The following EYS variants were observed in gnomAD, a reference collection of about 807,000 sequenced individuals.
The protein encoded by EYS is protein eyes shut homolog.
EYS carries 250 observed loss-of-function variants against 282.1 expected under a neutral mutation model. The observed-to-expected ratio is 0.89, with a 90% CI of 0.80 to 0.98. EYS has a LOEUF of 0.98. EYS is among the 50% of genes least tolerant of loss of function. The probability of loss-of-function intolerance (pLI) is 0.00; values close to 1 mark genes in which losing one functional copy is unlikely to be tolerated. For missense variants in EYS, 4,016 were observed against 3,709.0 expected, an observed-to-expected ratio of 1.08 and a Z score of -2.15; for synonymous variants, 1,355 against 1,282.9, an observed-to-expected ratio of 1.06 and a Z score of -1.20.
rs369121423 is a variant in EYS at position 63,726,571 on chromosome 6, G to A, written c.8181C>T (p.Leu2727=). ...CATAAAATAGGATACCATCTGCAGC[G>A]AGAGGCTGAAACTGCAATTGAATAT... ...KTHIQLQFQP[L]AADGILFYAA... Residue 2727 remains leucine, a synonymous_variant, in exon 42 of 43, where the codon CTC becomes CTT. Coordinates refer to ENST00000503581, the MANE Select transcript of EYS (RefSeq NM_001142800.2). 4.6e-5 allele frequency: 72 copies of A among 1,551,198 alleles called. 3 individuals are homozygous for A. Among genetic ancestry groups the A allele is most frequent in the East Asian group, 3.7e-4 (15 of 40,904 alleles).
At chr6:64,291,033 TAG>T (rs1444356189) in intron 30 of EYS, among the ~76,000 whole-genome samples, 1 of 19,340 alleles carries the variant, frequency 5.2e-5, no homozygotes, top group Non-Finnish European at 1.2e-4. Context: ...CTAGGGGAAG[TAG>T]TTTATATTAC....
chr6:64,652,639 A>G (rs897390997), intron 22 of EYS, among the ~76,000 whole-genome samples: 2 of 152,210 alleles, frequency 1.3e-5, no homozygotes, highest in African/African-American at 4.8e-5. Flanking sequence ...ACTGTGAGAA[A>G]ATAAATTTGT....
chr6:64,567,904 C>T (rs887251331), intron 26 of EYS, among the ~76,000 whole-genome samples: 2 of 152,114 alleles, frequency 1.3e-5, no homozygotes, highest in African/African-American at 4.8e-5. Context: ...ATGTTTTGGA[C>T]AACAGACTAG....
Position 64,116,046 on chromosome 6 carries a change from A to G in EYS, c.6425-34044T>C, listed in dbSNP as rs140623748. On this transcript the variant is annotated intron_variant, in intron 31 of 42. Transcript: ENST00000503581. ...AAAATAATACATGAAAAAAATGAGA[A>G]GTTCAATAAAGAGATATCACAAAAA... Among the ~76,000 whole-genome samples the G allele has an allele frequency of 4.6e-3, 703 of 152,200 alleles. 5 individuals carry two copies. Among genetic ancestry groups the G allele is most frequent in the African/African-American group, 0.016 (669 of 41,526 alleles).
intron 22 of EYS, among the ~76,000 whole-genome samples, chr6:64,806,436 A>AT (rs535799529): frequency 2.6e-5 from 4 of 151,722 alleles, no homozygotes; most frequent in Non-Finnish European, 4.4e-5. Flanking sequence ...TATCTCAAAT[A>AT]TTTTTTTTAA....
At chr6:65,438,862 G>C (rs570494330) in intron 5 of EYS, among the ~76,000 whole-genome samples, 7 of 152,224 alleles carry the variant, frequency 4.6e-5, no homozygotes, top group African/African-American at 1.7e-4. Flanking sequence ...AGTTTAATTA[G>C]ATCCCATTTG....
intron 35 of EYS, among the ~76,000 whole-genome samples, chr6:63,938,582 T>C (rs1765140232): frequency 6.6e-6 from 1 of 152,250 alleles, no homozygotes; most frequent in African/African-American, 2.4e-5. Context: ...TTTAATTCTC[T>C]TGGTTGAAAA....
intron 33 of EYS, among the ~76,000 whole-genome samples, chr6:64,024,260 C>T (rs929736556): frequency 6.6e-6 from 1 of 152,162 alleles, no homozygotes; most frequent in Non-Finnish European, 1.5e-5. Context: ...ATGCACCAAT[C>T]AGCACCCTGT....
At chr6:64,203,672 A>C (rs1486431954) in intron 31 of EYS, among the ~76,000 whole-genome samples, 6 of 152,202 alleles carry the variant, frequency 3.9e-5, no homozygotes, top group Non-Finnish European at 5.9e-5. Context: ...AGGGACATTA[A>C]AAATAAAAAG....
At chr6:64,095,065 T>G in intron 31 of EYS, among the ~76,000 whole-genome samples, 1 of 152,228 alleles carries the variant, frequency 6.6e-6, no homozygotes, top group African/African-American at 2.4e-5. Context: ...TGAGCGGTTT[T>G]GAGTGAGTTT....
chr6:64,442,231 C>T (rs1354750819), intron 26 of EYS, among the ~76,000 whole-genome samples: 2 of 152,018 alleles, frequency 1.3e-5, no homozygotes, highest in African/African-American at 2.4e-5. Flanking sequence ...GGTATTTTGC[C>T]CCTGCCCCAG....
chr6:63,975,982 T>C (rs958199934), intron 35 of EYS, among the ~76,000 whole-genome samples: 1 of 152,000 alleles, frequency 6.6e-6, no homozygotes, highest in Non-Finnish European at 1.5e-5. Flanking sequence ...TCCTGAGCTA[T>C]AATACAGATC....
At chr6:64,163,918 C>T (rs1212924822) in intron 31 of EYS, among the ~76,000 whole-genome samples, 1 of 152,030 alleles carries the variant, frequency 6.6e-6, no homozygotes, top group Non-Finnish European at 1.5e-5. Flanking sequence ...TTATAAGATG[C>T]TAGTCACATC....
chr6:64,241,425 C>T (rs923868709), intron 30 of EYS, among the ~76,000 whole-genome samples: 1 of 151,550 alleles, frequency 6.6e-6, no homozygotes, highest in Non-Finnish European at 1.5e-5. Flanking sequence ...TTCCAATATT[C>T]GACTATTCAG....
intron 12 of EYS, among the ~76,000 whole-genome samples, chr6:65,065,384 ATT>A (rs34618936): frequency 1.0e-4 from 15 of 142,972 alleles, no homozygotes; most frequent in South Asian, 2.2e-4. Context: ...GAAAAAAACA[ATT>A]TTTTTTTTTT....
At chr6:65,219,413 G>C (rs971575331) in intron 12 of EYS, among the ~76,000 whole-genome samples, 1 of 152,110 alleles carries the variant, frequency 6.6e-6, no homozygotes, top group Non-Finnish European at 1.5e-5. Context: ...AAATATAGTA[G>C]AGTGTTTGCC....
At chr6:65,106,088 G>C (rs1581914587) in intron 12 of EYS, among the ~76,000 whole-genome samples, 1 of 151,854 alleles carries the variant, frequency 6.6e-6, no homozygotes, top group Non-Finnish European at 1.5e-5. Context: ...TACTTACTCA[G>C]TAAATTCTGG....
rs140606193 is a variant in EYS, at chr6:65,691,061, A to C, written c.-448+16074T>G. Among the ~76,000 whole-genome samples the C allele has an allele frequency of 3.8e-3, 566 of 150,446 alleles. 23 individuals carry two copies. The highest frequency in any genetic ancestry group is 0.012 in the African/African-American group (511 of 41,284). On this transcript the variant is annotated intron_variant, in intron 1 of 42. Coordinates refer to ENST00000503581, the MANE Select transcript of EYS (RefSeq NM_001142800.2). ...TAAACATACATGTGCATGTGTCTTT[A>C]TAGTAAAATGATTTATAATCCTTTG...
intron 16 of EYS, among the ~76,000 whole-genome samples, chr6:64,903,632 G>T (rs1767734241): frequency 2.0e-5 from 3 of 152,052 alleles, no homozygotes; most frequent in Admixed American, 2.0e-4. Flanking sequence ...AGCTTTCTTG[G>T]TCTCTATGTC....
Sources: allele counts gnomAD v4.1 joint callset (sites outside exome capture counted in the v4.1 genomes callset), GRCh38; gene constraint gnomAD v4.1.1; transcripts MANE v1.5; gene names NCBI Gene and HGNC (gene_info 2026-07-23, HGNC 2026-07-21).